Variants in KCNH7 observed in about 807,000 individuals in gnomAD.
KCNH7 encodes potassium voltage-gated channel subfamily H member 7, also known as voltage-gated inwardly rectifying potassium channel KCNH7.
In KCNH7, 49 loss-of-function variants were observed where a neutral mutation model predicts 120.8. The observed-to-expected ratio is 0.41, with a 90% CI of 0.32 to 0.51. The LOEUF (loss-of-function observed/expected upper bound fraction) is 0.51. KCNH7 is among the 20% of genes least tolerant of loss of function. KCNH7 has a pLI of 0.38. For synonymous variants in KCNH7, 547 were observed against 516.1 expected (o/e 1.06, Z -0.81); for missense variants, 1,097 against 1,446.6 (o/e 0.76, Z 3.92).
intron 10 of KCNH7, 63 bp from the exon 11 acceptor site, chr2:162,397,008 A>AG: frequency 6.4e-6 from 7 of 1,091,760 alleles, no homozygotes; most frequent in Non-Finnish European, 9.5e-6. Context: ...TCTCCTTCTA[A>AG]AAGTAGAAGG....
At chr2:162,466,265 C>G (rs570859764) in intron 6 of KCNH7, among the ~76,000 whole-genome samples, 1 of 152,242 alleles carries the variant, frequency 6.6e-6, no homozygotes, top group Non-Finnish European at 1.5e-5. Context: ...AGTTCATTCT[C>G]ATGCTGCTAT....
At chr2:162,429,045 C>T (rs868354489) in intron 8 of KCNH7, among the ~76,000 whole-genome samples, 2 of 151,844 alleles carry the variant, frequency 1.3e-5, no homozygotes, top group Middle Eastern at 6.9e-3. Flanking sequence ...TTGTTTTCTG[C>T]ATTTCCCTTT....
chr2:162,401,183 G>C (rs137856860), intron 9 of KCNH7, among the ~76,000 whole-genome samples: 87 of 151,980 alleles, frequency 5.7e-4, no homozygotes, highest in African/African-American at 1.6e-3. Context: ...TTGTTGAACA[G>C]ATTAAACAAT....
At chr2:162,649,207 T>C (rs1684483446) in intron 2 of KCNH7, among the ~76,000 whole-genome samples, 2 of 152,224 alleles carry the variant, frequency 1.3e-5, no homozygotes, top group South Asian at 4.1e-4. Context: ...GCATGTTCTT[T>C]GTTATGCATG....
At chr2:162,596,307 T>C (rs1316934571) in intron 2 of KCNH7, among the ~76,000 whole-genome samples, 1 of 151,992 alleles carries the variant, frequency 6.6e-6, no homozygotes, top group Non-Finnish European at 1.5e-5. Context: ...CAAAACATAT[T>C]ACCAAGTTAT....
chr2:162,621,722 T>A (rs1683365783), intron 2 of KCNH7, among the ~76,000 whole-genome samples: 1 of 152,164 alleles, frequency 6.6e-6, no homozygotes, highest in South Asian at 2.1e-4. Context: ...GTTATATTTC[T>A]CCAGAGGCTG....
intron 6 of KCNH7, among the ~76,000 whole-genome samples, chr2:162,488,868 A>C (rs546554998): frequency 2.6e-5 from 4 of 152,282 alleles, no homozygotes; most frequent in Admixed American, 6.5e-5. Context: ...TATAAAACCC[A>C]ACAGGTGCTT....
chr2:162,830,273 C>A (rs1268907327), intron 2 of KCNH7, among the ~76,000 whole-genome samples: 7 of 152,048 alleles, frequency 4.6e-5, no homozygotes, highest in African/African-American at 1.7e-4. Context: ...CTAAACAGAG[C>A]CTCAGTAGAA....
intron 2 of KCNH7, among the ~76,000 whole-genome samples, chr2:162,600,418 T>C (rs558292029): frequency 7.6e-4 from 115 of 152,168 alleles, no homozygotes; most frequent in African/African-American, 2.7e-3. Context: ...ACCAGATAAT[T>C]TGGGGGTGGA....
intron 7 of KCNH7, among the ~76,000 whole-genome samples, chr2:162,440,272 G>T (rs891648711): frequency 4.0e-5 from 6 of 151,632 alleles, no homozygotes; most frequent in Non-Finnish European, 8.8e-5. Flanking sequence ...GTGATCTTTG[G>T]TTTCATATGC....
intron 6 of KCNH7, among the ~76,000 whole-genome samples, chr2:162,446,669 T>A (rs1378025101): frequency 6.6e-6 from 1 of 152,090 alleles, no homozygotes; most frequent in African/African-American, 2.4e-5. Context: ...TAAATATGAA[T>A]TTCACTGAAA....
At chr2:162,447,371 A>G (rs182003247) in intron 6 of KCNH7, among the ~76,000 whole-genome samples, 22 of 152,248 alleles carry the variant, frequency 1.4e-4, no homozygotes, top group African/African-American at 5.1e-4. Flanking sequence ...TCAAAACAAA[A>G]AGGTTACTTA....
At position 162,435,417 on chromosome 2, in the gene KCNH7, G is replaced by C. The variant is rs982723541; in HGVS notation, c.1735C>G (p.Pro579Ala). Residue 579 changes from proline to alanine, a missense_variant, in exon 8 of 16, where the codon CCT (proline) becomes GCT (alanine). This residue lies in a region of KCNH7 where 36 missense variants were observed against 46.8 expected (regional missense o/e 0.77). Transcript: ENST00000332142. Reference protein sequence around the residue: ...IWYAIGNVERPYLTDKIGWLD... With the variant: ...IWYAIGNVERAYLTDKIGWLD... The stretch of plus-strand genomic sequence containing the variant: ...CATCCGATTTTGTCAGTCAGGTAAG[G>C]CCTTTCTACATTCCCAATCGCATAC... 21 of 1,613,766 alleles carry C rather than the reference G, an allele frequency of 1.3e-5. No individual in the cohort carries two copies. Among genetic ancestry groups the C allele is most frequent in the Non-Finnish European group, 1.8e-5 (21 of 1,179,864 alleles).
At chr2:162,707,748 C>T (rs1160779549) in intron 2 of KCNH7, among the ~76,000 whole-genome samples, 1 of 152,040 alleles carries the variant, frequency 6.6e-6, no homozygotes, top group African/African-American at 2.4e-5. Flanking sequence ...GAAAAAGAGA[C>T]ATCACTGGAC....
At chr2:162,711,901 G>A (rs1402443725) in intron 2 of KCNH7, among the ~76,000 whole-genome samples, 1 of 152,058 alleles carries the variant, frequency 6.6e-6, no homozygotes, top group African/African-American at 2.4e-5. Flanking sequence ...AAATGCTAAG[G>A]GCAATAGATA....
rs1559025514 is a variant in KCNH7, at chr2:162,577,382, T to TATCTATCTATCTATCTATCC, written c.308-40303_308-40302insGGATAGATAGATAGATAGAT. Reference sequence around the variant, plus strand: ...CTATCTATCTATCTATCTATCTATCTATCTATCTATCTATCCATCTATCTA... The same window carrying TATCTATCTATCTATCTATCC: ...CTATCTATCTATCTATCTATCTATCTATCTATCTATCTATCTATCCATCTATCTATCTATCCATCTATCTA... On this transcript the variant is annotated intron_variant, in intron 2 of 15. Transcript: ENST00000332142. Among the ~76,000 whole-genome samples the TATCTATCTATCTATCTATCC allele has an allele frequency of 2.7e-5, 4 of 149,908 alleles. No individual in the cohort carries two copies. The East Asian group carries it at 7.9e-4, about 30-fold the overall frequency.
At chr2:162,674,306 C>T (rs13025146) in intron 2 of KCNH7, among the ~76,000 whole-genome samples, 3,424 of 151,584 alleles carry the variant, frequency 0.023, 74 homozygotes, top group East Asian at 0.12. Context: ...CGTGTGAAAC[C>T]TTTACGGGAA....
At chr2:162,500,030 C>A (rs1265060318) in intron 6 of KCNH7, among the ~76,000 whole-genome samples, 2 of 151,756 alleles carry the variant, frequency 1.3e-5, no homozygotes, top group African/African-American at 2.4e-5. Flanking sequence ...CTGTACTTCT[C>A]TACTTCCTTC....
At chr2:162,506,685 C>G (rs556630708) in intron 5 of KCNH7, among the ~76,000 whole-genome samples, 6 of 151,694 alleles carry the variant, frequency 4.0e-5, no homozygotes, top group Non-Finnish European at 8.9e-5. Context: ...TAAAATTTGG[C>G]TAAATTCACG....
Sources: gnomAD v4.1 joint callset for allele counts (sites outside exome capture counted in the v4.1 genomes callset) on GRCh38, gnomAD v4.1.1 for gene constraint, gnomAD v4.1.1 regional missense constraint, MANE v1.5 for transcripts, NCBI Gene and HGNC (gene_info 2026-07-23, HGNC 2026-07-21) for gene names.